SOAT2: variants seen among roughly 807,000 people sequenced by gnomAD.
SOAT2 encodes the protein sterol O-acyltransferase 2.
A neutral mutation model predicts 76.0 loss-of-function variants in SOAT2; 87 were observed. The ratio of observed to expected loss-of-function variants is 1.14; its 90% CI spans 0.96 to 1.37. The LOEUF (loss-of-function observed/expected upper bound fraction) is 1.37. Ranked by LOEUF, SOAT2 falls within the 40% of genes most tolerant of loss-of-function variation. SOAT2 has a pLI of 0.00. For synonymous variants in SOAT2, 285 were observed against 275.4 expected, an observed-to-expected ratio of 1.03 and a Z score of -0.34; for missense variants, 686 against 682.1, an observed-to-expected ratio of 1.01 and a Z score of -0.06.
At chr12:53,118,861 G>A (rs1184801791) in intron 8 of SOAT2, 29 bp from the exon 9 acceptor site, 3 of 1,613,464 alleles carry the variant, frequency 1.9e-6, no homozygotes, top group Non-Finnish European at 2.5e-6. Flanking sequence ...GAAAGAATGA[G>A]AAACATATTG....
At position 53,123,090 on chromosome 12, in the gene SOAT2, G is replaced by A; in HGVS notation, c.1246G>A (p.Ala416Thr). The A allele has an allele frequency of 6.2e-7, 1 of 1,612,500 alleles. No individual in the cohort carries two copies. Among genetic ancestry groups the A allele is most frequent in the Non-Finnish European group, 8.5e-7 (1 of 1,179,424 alleles). The change falls in exon 13 of 15, where the codon GCC (alanine) becomes ACC (threonine). Residue 416 changes from alanine to threonine, a missense_variant. Physicochemically the swap from Ala to Thr is moderately conservative, Grantham distance 58. Transcript: ENST00000301466. ...TTCCTCACCCTGCCAGCTCCTTGGT[G>A]CCCGGGCCCGAGGGGTAGCCATGCT... ...VYQDGLRLLG[A>T]RARGVAMLGV...
In SOAT2 at chr12:53,104,191, G is replaced by A; in HGVS notation, c.123G>A (p.Trp41Ter). The change falls in exon 2 of 15, where the codon TGG (tryptophan) becomes TGA (stop). Residue 41 changes from tryptophan (W) to a stop codon, truncating the protein, a stop_gained. Coordinates refer to ENST00000301466, the MANE Select transcript of SOAT2 (RefSeq NM_003578.4). LOFTEE classifies it high-confidence loss of function. ...ETHRAPDLVQ[W>*]TRHMEAVKAQ... is the part of the protein sequence containing the mutation. ...ACAGAGCCCCGGACTTGGTACAATGGACCCGACACATGGAGGTGAGGGATG... is the reference window on the plus strand; with the variant it reads ...ACAGAGCCCCGGACTTGGTACAATGAACCCGACACATGGAGGTGAGGGATG... 1.2e-6 allele frequency: 2 copies of A among 1,612,976 alleles called. No individual in the cohort carries two copies. The highest frequency in any genetic ancestry group is 1.7e-6 in the Non-Finnish European group (2 of 1,179,278).
chr12:53,118,902 C>T lies in SOAT2; in HGVS notation c.876C>T (p.Val292=), dbSNP rs1938145267. 6.2e-7 allele frequency: 1 copy of T among 1,613,908 alleles called. No individual in the cohort carries two copies. Among genetic ancestry groups the T allele is most frequent in the Non-Finnish European group, 8.5e-7 (1 of 1,180,012 alleles). Residue 292 remains valine, a synonymous_variant, in exon 9 of 15, where the codon GTC becomes GTT. Transcript: ENST00000301466. ...YRETYPRTPY[V]RWNYVAKNFA... is the part of the protein sequence containing the mutation. Reference sequence around the variant, plus strand: ...ATTGCCGCTGCAGGACGCCCTATGTCAGGTGGAATTATGTGGCCAAGAACT... The same window carrying T: ...ATTGCCGCTGCAGGACGCCCTATGTTAGGTGGAATTATGTGGCCAAGAACT...
Position 53,115,480 on chromosome 12 carries a change from G to T in SOAT2, c.534G>T (p.Leu178=), listed in dbSNP as rs1313283762. ...GGGTGCCCATGTTTCTGTCCACCCT[G>T]TTGGCGCCGTACCAGGCCCTACGGC... ...VTWVPMFLST[L]LAPYQALRLW... The change falls in exon 6 of 15, where the codon CTG becomes CTT. Residue 178 remains leucine, a synonymous_variant. Coordinates refer to ENST00000301466, the MANE Select transcript of SOAT2 (RefSeq NM_003578.4). The T allele has an allele frequency of 1.9e-6, 3 of 1,611,610 alleles. No homozygotes were observed. Among genetic ancestry groups the T allele is most frequent in the African/African-American group, 2.7e-5 (2 of 74,958 alleles).
At chr12:53,120,698 G>A (rs1401732010) in intron 10 of SOAT2, 88 bp from the exon 11 acceptor site, 1 of 861,220 alleles carries the variant, frequency 1.2e-6, no homozygotes, top group Admixed American at 1.8e-5. Context: ...CTGGTTTCTG[G>A]GCAGGGGCTC....
chr12:53,105,096 T>C lies in SOAT2; in HGVS notation c.139-11T>C, dbSNP rs1450353186. 6.4e-7 allele frequency: 1 copy of C among 1,554,128 alleles called. No individual in the cohort carries two copies. Among genetic ancestry groups the C allele is most frequent in the East Asian group, 2.4e-5 (1 of 41,186 alleles). The stretch of plus-strand genomic sequence containing the variant: ...AGGGACAGTGGGCTCTACCCTGGCT[T>C]TGTCCCGTAGGCTGTGAAGGCACAA... On this transcript the variant is annotated splice_polypyrimidine_tract_variant and intron_variant, in intron 2 of 14. Coordinates refer to ENST00000301466, the MANE Select transcript of SOAT2 (RefSeq NM_003578.4).
In SOAT2 at chr12:53,115,629, C is replaced by CCCGTTGTGT; in HGVS notation, c.686_694dup (p.Arg229_Val231dup). The CCCGTTGTGT allele has an allele frequency of 1.9e-6, 3 of 1,550,532 alleles. No homozygotes were observed. The highest frequency in any genetic ancestry group is 2.6e-6 in the Non-Finnish European group (3 of 1,154,582). On this transcript the variant is annotated inframe_insertion, in exon 6 of 15. Transcript: ENST00000301466. ...GTGGAGCATCAGCTCCCGCCGGCCT[C>CCCGTTGTGT]CCGTTGTGTCCTGGTCTTCGAGCAG... is the stretch of plus-strand genomic sequence containing the variant.
Position 53,118,951 on chromosome 12 carries a change from A to T in SOAT2, c.909+16A>T, listed in dbSNP as rs1463289297. 1.2e-6 allele frequency: 2 copies of T among 1,613,904 alleles called. No homozygotes were observed. The highest frequency in any genetic ancestry group is 1.7e-6 in the Non-Finnish European group (2 of 1,179,932). ...CTTTGCCCAGGTGAGAAGATAGGGT[A>T]GAAGGGTGGACCTGTGACTCATGGT... On this transcript the variant is annotated intron_variant, in intron 9 of 14. Coordinates refer to ENST00000301466, the MANE Select transcript of SOAT2 (RefSeq NM_003578.4).
chr12:53,124,378 A>G lies in SOAT2; in HGVS notation c.*255A>G, dbSNP rs560278069. ...TGGGCTGGGTACAGGATATCCTCCT[A>G]CCCCATGACTGTCTTAGGGAGACTT... On this transcript the variant is annotated 3_prime_UTR_variant, in exon 15 of 15. Coordinates refer to ENST00000301466, the MANE Select transcript of SOAT2 (RefSeq NM_003578.4). 148 of 564,616 alleles carry G rather than the reference A, an allele frequency of 2.6e-4. No individual in the cohort carries two copies. The highest frequency in any genetic ancestry group is 4.0e-4 in the Non-Finnish European group (125 of 315,572). 35.0% of individuals were successfully genotyped at this position (564,616 alleles called of 1,614,324 possible).
At chr12:53,105,015 C>A in intron 2 of SOAT2, 92 bp from the exon 3 acceptor site, 2 of 1,264,910 alleles carry the variant, frequency 1.6e-6, no homozygotes, top group Non-Finnish European at 2.1e-6. Flanking sequence ...AAGCACTGTG[C>A]CTGGCATAGA....
intron 12 of SOAT2, among the ~76,000 whole-genome samples, chr12:53,121,768 T>C (rs866725190): frequency 7.0e-6 from 1 of 142,006 alleles, no homozygotes; most frequent in South Asian, 2.4e-4. Context: ...AAATGGCACC[T>C]AAGTCCCAAT....
At chr12:53,122,784 T>C (rs1938212182) in intron 12 of SOAT2, among the ~76,000 whole-genome samples, 1 of 152,004 alleles carries the variant, frequency 6.6e-6, no homozygotes, top group Non-Finnish European at 1.5e-5. Flanking sequence ...TCCCCACCTT[T>C]CCCCCCTTTC....
At chr12:53,115,710 A>G (rs1045063870) in intron 6 of SOAT2, 56 bp downstream of exon 6, 52 of 1,452,806 alleles carry the variant, frequency 3.6e-5, no homozygotes, top group East Asian at 4.8e-5. Flanking sequence ...GGGCCATCTC[A>G]GCAGAGGGGG....
intron 5 of SOAT2, among the ~76,000 whole-genome samples, chr12:53,107,750 G>A (rs968008551): frequency 1.4e-4 from 21 of 151,454 alleles, no homozygotes; most frequent in Non-Finnish European, 1.5e-5. Flanking sequence ...AGCCTCCTGA[G>A]TAGCTGGGAC....
At chr12:53,122,569 C>A (rs1938207986) in intron 12 of SOAT2, among the ~76,000 whole-genome samples, 1 of 151,914 alleles carries the variant, frequency 6.6e-6, no homozygotes, top group South Asian at 2.1e-4. Context: ...ATCTGTTTAG[C>A]AAAGCACATC....
intron 10 of SOAT2, among the ~76,000 whole-genome samples, chr12:53,119,952 C>A (rs1053785137): frequency 6.6e-6 from 1 of 152,312 alleles, no homozygotes; most frequent in Admixed American, 6.5e-5. Flanking sequence ...ACTCTGTGAA[C>A]TCCCAATGGC....
chr12:53,116,544 T>C (rs1168138371), intron 7 of SOAT2, among the ~76,000 whole-genome samples: 1 of 152,186 alleles, frequency 6.6e-6, no homozygotes, highest in African/African-American at 2.4e-5. Flanking sequence ...ACCAGCTGCA[T>C]TAGCCCTTAA....
chr12:53,122,672 C>G (rs1301868378), intron 12 of SOAT2, among the ~76,000 whole-genome samples: 1 of 152,008 alleles, frequency 6.6e-6, no homozygotes. Context: ...TCAACAGGAT[C>G]CCAAGGCAGA....
At chr12:53,118,236 C>A in intron 7 of SOAT2, 114 bp from the exon 8 acceptor site, 13 of 451,628 alleles carry the variant, frequency 2.9e-5, no homozygotes, top group Admixed American at 7.0e-5. Context: ...TTATCCCCCA[C>A]CCCCACCCTA....
Sources: allele counts gnomAD v4.1 joint callset (sites outside exome capture counted in the v4.1 genomes callset), GRCh38; gene constraint gnomAD v4.1.1; transcripts MANE v1.5; gene names NCBI Gene and HGNC (gene_info 2026-07-23, HGNC 2026-07-21).